Variants in STX6 observed in about 807,000 individuals in gnomAD.
STX6 encodes syntaxin-6.
Under a neutral mutation model 38.0 loss-of-function variants are expected in STX6, and 23 were observed. The observed-to-expected ratio is 0.60, with a 90% confidence interval of 0.43 to 0.86. The LOEUF (loss-of-function observed/expected upper bound fraction) is 0.86, where lower values mean the gene tolerates loss of function less well. STX6 is among the 40% of genes least tolerant of loss of function. The pLI, the probability that STX6 is intolerant of heterozygous loss-of-function variation, is 0.00. For missense variants in STX6, 274 were observed against 312.9 expected (o/e 0.88, Z 0.94); for synonymous variants, 123 against 107.5 (o/e 1.14, Z -0.89).
intron 1 of STX6, among the ~76,000 whole-genome samples, chr1:181,006,016 A>G (rs1656215500): frequency 6.6e-6 from 1 of 152,180 alleles, no homozygotes; most frequent in Non-Finnish European, 1.5e-5. Flanking sequence ...AGCTTTAAAT[A>G]TACCTACTTT....
At chr1:181,015,321 A>C (rs1015615103) in intron 1 of STX6, among the ~76,000 whole-genome samples, 1 of 152,332 alleles carries the variant, frequency 6.6e-6, no homozygotes, top group Non-Finnish European at 1.5e-5. Context: ...TACAAAACAT[A>C]ATGTATTCAA....
chr1:181,003,371 C>A (rs1656137220), intron 2 of STX6, among the ~76,000 whole-genome samples: 2 of 152,156 alleles, frequency 1.3e-5, no homozygotes, highest in African/African-American at 4.8e-5. Context: ...ACATAGTATA[C>A]TCAATAAACA....
chr1:180,995,482 T>C (rs1016132450), intron 3 of STX6, among the ~76,000 whole-genome samples: 1 of 152,194 alleles, frequency 6.6e-6, no homozygotes, highest in African/African-American at 2.4e-5. Context: ...ATTCTGACAG[T>C]CAATCCAACA....
chr1:180,991,419 G>C (rs901844924), intron 4 of STX6, among the ~76,000 whole-genome samples: 2 of 152,192 alleles, frequency 1.3e-5, no homozygotes, highest in Admixed American at 1.3e-4. Context: ...TGGAAGACAT[G>C]AGGAAATAGT....
intron 5 of STX6, chr1:180,988,642 G>C: frequency 3.4e-6 from 1 of 291,752 alleles, no homozygotes; most frequent in South Asian, 3.3e-5. Context: ...GACAATGGTT[G>C]AAAGCACACG....
At chr1:181,010,741 C>G (rs1656367844) in intron 1 of STX6, among the ~76,000 whole-genome samples, 1 of 152,110 alleles carries the variant, frequency 6.6e-6, no homozygotes. Flanking sequence ...GAGTTTTAGC[C>G]ACCACAGCTT....
chr1:181,011,305 G>C (rs1442924943), intron 1 of STX6, among the ~76,000 whole-genome samples: 1 of 152,180 alleles, frequency 6.6e-6, no homozygotes, highest in African/African-American at 2.4e-5. Flanking sequence ...CAGTGTATCA[G>C]GGAATCCCAT....
intron 1 of STX6, among the ~76,000 whole-genome samples, chr1:181,012,506 T>C (rs1470420982): frequency 6.6e-6 from 1 of 152,134 alleles, no homozygotes; most frequent in Non-Finnish European, 1.5e-5. Context: ...GACACCAGAA[T>C]GAAGGCTCTT....
chr1:180,980,197 ACT>A (rs1655363162), intron 7 of STX6, among the ~76,000 whole-genome samples: 1 of 109,490 alleles, frequency 9.1e-6, no homozygotes, highest in African/African-American at 3.5e-5. Flanking sequence ...ACAGAGTCAG[ACT>A]CTGTCTCAAA....
At chr1:180,991,706 G>A (rs961124488) in intron 4 of STX6, among the ~76,000 whole-genome samples, 1 of 152,184 alleles carries the variant, frequency 6.6e-6, no homozygotes, top group Non-Finnish European at 1.5e-5. Flanking sequence ...CTGTGTGTGG[G>A]TGCCAGAGCA....
intron 1 of STX6, among the ~76,000 whole-genome samples, chr1:181,015,461 C>T (rs1304539127): frequency 6.6e-6 from 1 of 152,136 alleles, no homozygotes; most frequent in Non-Finnish European, 1.5e-5. Flanking sequence ...CCTTACCTTG[C>T]ACAACCTCTA....
In STX6 at chr1:181,020,196, C is replaced by T. The variant is rs532845008; in HGVS notation, c.35+2443G>A. Reference sequence around the variant, plus strand: ...CACCACTGCACTCCAGTCTGGGCAACAGAACAAGACTCTGTCTCAAAAAAA... The same window carrying T: ...CACCACTGCACTCCAGTCTGGGCAATAGAACAAGACTCTGTCTCAAAAAAA... On this transcript the variant is annotated intron_variant, in intron 1 of 7. Coordinates refer to ENST00000258301, the MANE Select transcript of STX6 (RefSeq NM_005819.6). 2.0e-5 allele frequency among the ~76,000 whole-genome samples: 3 copies of T among 150,572 alleles called. No homozygotes were observed. In the South Asian group the frequency reaches 6.3e-4, roughly 32 times the overall value.
chr1:180,995,346 C>G (rs1434154433), intron 3 of STX6, among the ~76,000 whole-genome samples: 1 of 152,174 alleles, frequency 6.6e-6, no homozygotes, highest in African/African-American at 2.4e-5. Flanking sequence ...AACAAGCCCC[C>G]TCCCCATCCC....
At position 180,976,654 on chromosome 1, in the gene STX6, G is replaced by A; in HGVS notation, c.692-8C>T. 6.2e-7 allele frequency: 1 copy of A among 1,612,882 alleles called. No homozygotes were observed. Among genetic ancestry groups the A allele is most frequent in the Non-Finnish European group, 8.5e-7 (1 of 1,179,800 alleles). ...CACACCATTGGCGCCGATCTGGAAG[G>A]CAGGACATGGGGATTAGCTCTCACA... On this transcript the variant is annotated splice_region_variant and splice_polypyrimidine_tract_variant and intron_variant, in intron 7 of 7. Transcript: ENST00000258301.
intron 5 of STX6, chr1:180,989,036 AAT>A (rs1655672011): frequency 6.6e-6 from 1 of 152,242 alleles, no homozygotes; most frequent in African/African-American, 2.4e-5. Flanking sequence ...TTTAAGAATC[AAT>A]AGTTTCAATG....
intron 7 of STX6, among the ~76,000 whole-genome samples, chr1:180,977,418 A>G (rs1374352271): frequency 2.0e-5 from 3 of 152,236 alleles, no homozygotes; most frequent in African/African-American, 7.2e-5. Context: ...TCCCAACTCT[A>G]CAACAGCTGC....
chr1:181,008,552 G>C (rs6425659), intron 1 of STX6, among the ~76,000 whole-genome samples: 109,140 of 151,844 alleles, frequency 0.72, 39,559 homozygotes, highest in African/African-American at 0.8. Context: ...ACATCAAATA[G>C]TGGTCATTAG....
At chr1:180,996,395 T>C (rs1272048850) in intron 3 of STX6, among the ~76,000 whole-genome samples, 1 of 152,032 alleles carries the variant, frequency 6.6e-6, no homozygotes, top group Admixed American at 6.5e-5. Context: ...ACCCCACAAA[T>C]GATCAAACAT....
intron 1 of STX6, among the ~76,000 whole-genome samples, chr1:181,016,349 CT>C (rs959200655): frequency 2.0e-5 from 3 of 151,458 alleles, no homozygotes; most frequent in Non-Finnish European, 4.4e-5. Flanking sequence ...ATGGGTCTTT[CT>C]TTTTTTTTCA....
Sources: gnomAD v4.1 joint callset for allele counts (sites outside exome capture counted in the v4.1 genomes callset) on GRCh38, gnomAD v4.1.1 for gene constraint, MANE v1.5 for transcripts, NCBI Gene and HGNC (gene_info 2026-07-23, HGNC 2026-07-21) for gene names.